Variants in PPP1R42 observed in about 807,000 individuals in gnomAD.
PPP1R42 encodes the protein protein phosphatase 1 regulatory subunit 42.
PPP1R42 carries 34 observed loss-of-function variants against 31.0 expected under a neutral mutation model. That is an observed-to-expected ratio of 1.10 (90% CI 0.83 to 1.46). The LOEUF is 1.46. Ranked by LOEUF, PPP1R42 falls within the 40% of genes most tolerant of loss-of-function variation. PPP1R42 has a pLI of 0.00. For missense variants in PPP1R42, 268 were observed against 303.0 expected (o/e 0.88, Z 0.86); for synonymous variants, 103 against 109.8 (o/e 0.94, Z 0.39).
chr8:66,986,771 G>A (rs1281580113), intron 6 of PPP1R42, among the ~76,000 whole-genome samples: 1 of 152,202 alleles, frequency 6.6e-6, no homozygotes, highest in Non-Finnish European at 1.5e-5. Context: ...AGGCTTCTGC[G>A]TTTGTGCTCA....
intron 7 of PPP1R42, among the ~76,000 whole-genome samples, chr8:66,971,665 A>C (rs1814542285): frequency 6.6e-6 from 1 of 152,130 alleles, no homozygotes; most frequent in Admixed American, 6.5e-5. Flanking sequence ...TTTGTTATGA[A>C]TTTTTCTATA....
At chr8:67,006,507 A>G (rs1815681817) in intron 5 of PPP1R42, among the ~76,000 whole-genome samples, 1 of 152,162 alleles carries the variant, frequency 6.6e-6, no homozygotes, top group Admixed American at 6.5e-5. Context: ...GGCACATGCC[A>G]TCACACGAAG....
chr8:66,977,870 A>G (rs769124681), intron 7 of PPP1R42, among the ~76,000 whole-genome samples: 1 of 152,072 alleles, frequency 6.6e-6, no homozygotes, highest in Non-Finnish European at 1.5e-5. Flanking sequence ...GCTGGTCTTG[A>G]TCTCTTAGTC....
chr8:66,985,550 C>A (rs1244341260), intron 6 of PPP1R42: 4 of 1,320,202 alleles, frequency 3.0e-6, no homozygotes, highest in Non-Finnish European at 4.4e-6. Flanking sequence ...ACCATGTTGG[C>A]ATTGCTGATG....
chr8:67,002,952 C>G (rs1303094874), intron 5 of PPP1R42, among the ~76,000 whole-genome samples: 1 of 148,924 alleles, frequency 6.7e-6, no homozygotes, highest in Non-Finnish European at 1.5e-5. Context: ...GTCAGGAGTT[C>G]GAGACCAGTC....
At position 67,017,641 on chromosome 8, in the gene PPP1R42, G is replaced by T. The variant is rs1207869149; in HGVS notation, c.107C>A (p.Ser36Ter). 6.5e-7 allele frequency: 1 copy of T among 1,546,530 alleles called. No homozygotes were observed. Among genetic ancestry groups the T allele is most frequent in the Admixed American group, 1.9e-5 (1 of 53,482 alleles). The change falls in exon 2 of 8, where the codon TCA (serine) becomes TAA (stop). Residue 36 changes from serine (S) to a stop codon, truncating the protein, a stop_gained. Transcript: ENST00000685739. LOFTEE classifies it high-confidence loss of function. ...CLKKITHINF[S>*]DKNIDAIEDL... ...TACAATTGCATCTATATTTTTGTCT[G>T]AAAAATTTATATGAGTTATTTTCTT...
At chr8:67,011,628 A>G (rs937563373) in intron 4 of PPP1R42, among the ~76,000 whole-genome samples, 1 of 152,356 alleles carries the variant, frequency 6.6e-6, no homozygotes, top group South Asian at 2.1e-4. Flanking sequence ...CTACCTGTCT[A>G]TATGGTTTTC....
At chr8:66,984,039 A>C in intron 6 of PPP1R42, 1 of 1,234,778 alleles carries the variant, frequency 8.1e-7, no homozygotes, top group South Asian at 1.2e-5. Flanking sequence ...CACAGTTCTG[A>C]GATCATACAA....
At chr8:67,005,692 C>T (rs1021411688) in intron 5 of PPP1R42, among the ~76,000 whole-genome samples, 4 of 152,156 alleles carry the variant, frequency 2.6e-5, no homozygotes, top group Non-Finnish European at 5.9e-5. Context: ...ATGAATTCCA[C>T]CTTAAAATAT....
chr8:67,010,988 A>AT (rs1378574912), intron 4 of PPP1R42, among the ~76,000 whole-genome samples, 157 bp from the exon 5 acceptor site: 10 of 150,704 alleles, frequency 6.6e-5, no homozygotes, highest in East Asian at 3.9e-4. Context: ...TTTTTATTGC[A>AT]TTTTTTTTTC....
chr8:67,010,752 T>C lies in PPP1R42; in HGVS notation c.515A>G (p.Gln172Arg). The change falls in exon 5 of 8, where the codon CAG becomes CGG. Residue 172 changes from glutamine (Q) to arginine (R), a missense_variant. Gln to Arg is a conservative substitution (Grantham distance 43). Coordinates refer to ENST00000685739, the MANE Select transcript of PPP1R42 (RefSeq NM_001364910.1). ...TDLELLENLNQLIAVDNQLLH... is the reference protein window; with the variant it reads ...TDLELLENLNRLIAVDNQLLH... ...AAGTTGGTTGTCAACGGCTATGAGC[T>C]GATTAAGATTCTCTAGTAGTTCTAA... The C allele has an allele frequency of 6.2e-7, 1 of 1,608,160 alleles. No individual in the cohort carries two copies. Among genetic ancestry groups the C allele is most frequent in the Admixed American group, 1.7e-5 (1 of 59,588 alleles).
At chr8:66,988,868 G>A (rs1033835020) in intron 5 of PPP1R42, among the ~76,000 whole-genome samples, 1 of 152,058 alleles carries the variant, frequency 6.6e-6, no homozygotes, top group Admixed American at 6.6e-5. Context: ...CAATTAAGGG[G>A]TAGTGAGTAA....
chr8:66,986,823 T>A (rs1184726350), intron 6 of PPP1R42, among the ~76,000 whole-genome samples: 2 of 152,192 alleles, frequency 1.3e-5, no homozygotes, highest in Non-Finnish European at 2.9e-5. Context: ...TTCACAGTCG[T>A]GATAACTAGA....
intron 5 of PPP1R42, among the ~76,000 whole-genome samples, chr8:66,989,112 A>G (rs1319490325): frequency 6.6e-6 from 1 of 152,158 alleles, no homozygotes; most frequent in Non-Finnish European, 1.5e-5. Context: ...GGGAGGGTAC[A>G]TATTTTTAAT....
At chr8:67,021,693 T>C (rs1016901944) in intron 1 of PPP1R42, among the ~76,000 whole-genome samples, 11 of 152,290 alleles carry the variant, frequency 7.2e-5, no homozygotes, top group African/African-American at 2.6e-4. Flanking sequence ...CTCTTAAATT[T>C]AGGATTTATC....
chr8:66,988,250 T>G, intron 6 of PPP1R42, 150 bp downstream of exon 6: 2 of 1,265,048 alleles, frequency 1.6e-6, no homozygotes, highest in Non-Finnish European at 2.0e-6. Context: ...CAATTTTAAC[T>G]TTTGCTCTTA....
chr8:66,974,917 T>C (rs1381355815), intron 7 of PPP1R42, among the ~76,000 whole-genome samples: 1 of 152,222 alleles, frequency 6.6e-6, no homozygotes, highest in Admixed American at 6.5e-5. Context: ...AGTTAAGAAA[T>C]GTGGTGCCTT....
At chr8:67,020,172 G>C (rs372657132) in intron 1 of PPP1R42, among the ~76,000 whole-genome samples, 1 of 151,820 alleles carries the variant, frequency 6.6e-6, no homozygotes, top group African/African-American at 2.4e-5. Flanking sequence ...CATAATCCAG[G>C]GTTTTTTGTT....
chr8:67,017,651 T>A lies in PPP1R42; in HGVS notation c.97A>T (p.Ile33Leu). 1 of 1,572,332 alleles carries A rather than the reference T, an allele frequency of 6.4e-7. No homozygotes were observed. The highest frequency in any genetic ancestry group is 1.4e-5 in the African/African-American group (1 of 73,962). Reference sequence around the variant, plus strand: ...TCTATATTTTTGTCTGAAAAATTTATATGAGTTATTTTCTTCAGGCACTGT... The same window carrying A: ...TCTATATTTTTGTCTGAAAAATTTAAATGAGTTATTTTCTTCAGGCACTGT... ...ISQCLKKITH[I>L]NFSDKNIDAI... is the part of the protein sequence containing the mutation. Residue 33 changes from isoleucine to leucine, a missense_variant, in exon 2 of 8, where the codon ATA becomes TTA. Coordinates refer to ENST00000685739, the MANE Select transcript of PPP1R42 (RefSeq NM_001364910.1).
Sources: allele counts gnomAD v4.1 joint callset (sites outside exome capture counted in the v4.1 genomes callset), GRCh38; gene constraint gnomAD v4.1.1; transcripts MANE v1.5; gene names NCBI Gene and HGNC (gene_info 2026-07-23, HGNC 2026-07-21).